The following GPC3 variants were observed in gnomAD, a reference collection of about 807,000 sequenced individuals.
GPC3 encodes glypican-3.
Under a neutral mutation model 34.4 loss-of-function variants are expected in GPC3, and 3 were observed. The ratio of observed to expected loss-of-function variants is 0.09; its 90% confidence interval spans 0.04 to 0.23. GPC3 has a LOEUF of 0.23. GPC3 is among the 10% of genes least tolerant of loss of function. The probability of loss-of-function intolerance (pLI) is 1.00; values close to 1 mark genes in which losing one functional copy is unlikely to be tolerated. For synonymous variants in GPC3, 177 were observed against 174.0 expected (o/e 1.02, Z -0.13); for missense variants, 351 against 445.6 (o/e 0.79, Z 1.91).
chrX:133,636,072 C>G (rs1487054252), intron 6 of GPC3, among the ~76,000 whole-genome samples: 1 of 111,560 alleles, frequency 9.0e-6, no homozygotes, highest in East Asian at 2.8e-4. Context: ...AACAATTATT[C>G]CGAACAGTGT....
intron 2 of GPC3, among the ~76,000 whole-genome samples, chrX:133,820,328 AT>A (rs769600745): frequency 8.9e-6 from 1 of 112,308 alleles, no homozygotes; most frequent in African/African-American, 3.2e-5. Flanking sequence ...CTGCTAATGC[AT>A]TTTTTCTTGC....
intron 2 of GPC3, among the ~76,000 whole-genome samples, chrX:133,916,891 G>GATAATA (rs1228028467): frequency 9.1e-6 from 1 of 110,330 alleles, no homozygotes; most frequent in Non-Finnish European, 1.9e-5. Context: ...TGATGATGAT[G>GATAATA]ATAATAATAA....
In GPC3 at chrX:133,849,902, A is replaced by G. The variant is rs1022569281; in HGVS notation, c.338-95726T>C. ...CTCTGGATCCCTCTGACTCCAAGGA[A>G]ACTGCCTGAGTGCTAATGTTTAATG... On this transcript the variant is annotated intron_variant, in intron 2 of 7. Transcript: ENST00000370818. 2.7e-5 allele frequency among the ~76,000 whole-genome samples: 3 copies of G among 112,000 alleles called. No homozygotes were observed. The Admixed American group carries it at 2.9e-4, about 11-fold the overall frequency.
chrX:133,655,657 G>A (rs967755661), intron 6 of GPC3, among the ~76,000 whole-genome samples: 7 of 111,591 alleles, frequency 6.3e-5, no homozygotes, highest in Admixed American at 9.5e-5. Context: ...CTTTCAAAAG[G>A]TTTCTCCTTT....
intron 2 of GPC3, among the ~76,000 whole-genome samples, chrX:133,849,255 C>T (rs977964647): frequency 9.2e-6 from 1 of 108,994 alleles, no homozygotes; most frequent in Non-Finnish European, 1.9e-5. Context: ...CCAACACGCC[C>T]GGCTAATGAA....
intron 6 of GPC3, among the ~76,000 whole-genome samples, chrX:133,634,140 A>T (rs192811602): frequency 8.9e-6 from 1 of 112,014 alleles, no homozygotes; most frequent in East Asian, 2.8e-4. Flanking sequence ...ACCACTACAC[A>T]CCCACCAGAA....
At chrX:133,927,960 A>G (rs181668819) in intron 2 of GPC3, among the ~76,000 whole-genome samples, 230 of 108,999 alleles carry the variant, frequency 2.1e-3, no homozygotes, top group African/African-American at 7.1e-3. Context: ...TTGTGGCAAG[A>G]ACAGCTGTAA....
chrX:133,671,177 G>T, intron 5 of GPC3: 1 of 1,140,643 alleles, frequency 8.8e-7, no homozygotes. Context: ...AACTCATTTT[G>T]GTGGTGGCAA....
chrX:133,915,325 C>A (rs1238244975), intron 2 of GPC3, among the ~76,000 whole-genome samples: 2 of 109,880 alleles, frequency 1.8e-5, no homozygotes, highest in Non-Finnish European at 3.8e-5. Context: ...AGGCACCCAC[C>A]ACCACGCCTG....
Position 133,749,754 on chromosome X carries a change from G to T in GPC3, c.1032+3728C>A, listed in dbSNP as rs922695260. Reference sequence around the variant, plus strand: ...AACCTCAAGCAGGACTGAATGGCAGGGTTTTACATTTTATCGCAACAGGAA... The same window carrying T: ...AACCTCAAGCAGGACTGAATGGCAGTGTTTTACATTTTATCGCAACAGGAA... On this transcript the variant is annotated intron_variant, in intron 3 of 7. Transcript: ENST00000370818. 2.4e-4 allele frequency among the ~76,000 whole-genome samples: 27 copies of T among 111,277 alleles called. 1 individual carries two copies. The highest frequency in any genetic ancestry group is 8.5e-4 in the African/African-American group (26 of 30,679).
At chrX:133,951,337 C>T (rs1216321118) in intron 2 of GPC3, among the ~76,000 whole-genome samples, 3 of 110,059 alleles carry the variant, frequency 2.7e-5, no homozygotes, top group East Asian at 2.9e-4. Flanking sequence ...GCTGACGACC[C>T]GGGCCCTCAG....
At chrX:133,642,497 C>T (rs1162030215) in intron 6 of GPC3, among the ~76,000 whole-genome samples, 1 of 111,146 alleles carries the variant, frequency 9.0e-6, no homozygotes, top group Non-Finnish European at 1.9e-5. Context: ...ACAGGCCAGG[C>T]GCAGTGGCTC....
intron 7 of GPC3, among the ~76,000 whole-genome samples, chrX:133,573,657 T>C (rs1379078421): frequency 1.8e-5 from 2 of 112,064 alleles, no homozygotes; most frequent in African/African-American, 3.2e-5. Context: ...AGAAAAGTGA[T>C]TCCACTTACA....
chrX:133,933,734 T>C (rs974986094), intron 2 of GPC3, among the ~76,000 whole-genome samples: 10 of 110,462 alleles, frequency 9.1e-5, no homozygotes, highest in Admixed American at 8.7e-4. Flanking sequence ...GCACGTGATG[T>C]TGCAAGCTCC....
At chrX:133,773,196 C>A (rs905799916) in intron 2 of GPC3, among the ~76,000 whole-genome samples, 1 of 111,116 alleles carries the variant, frequency 9.0e-6, no homozygotes, top group African/African-American at 3.3e-5. Context: ...GGATTACAGG[C>A]GCCTGCCACC....
intron 7 of GPC3, among the ~76,000 whole-genome samples, chrX:133,543,612 A>AT (rs2069359806): frequency 8.9e-6 from 1 of 112,283 alleles, no homozygotes; most frequent in Non-Finnish European, 1.9e-5. Flanking sequence ...AATATAATGA[A>AT]TTTTTCCCAT....
rs1402968257 is a variant in GPC3, at chrX:133,831,761, T to A, written c.338-77585A>T. ...ACCTCAACTGTAAAAAAATAAACAA[T>A]CCAATTTAAAAATGGGCAAAAGATT... On this transcript the variant is annotated intron_variant, in intron 2 of 7. Transcript: ENST00000370818. Among the ~76,000 whole-genome samples, 3 of 111,484 alleles carry A rather than the reference T, an allele frequency of 2.7e-5. No homozygotes were observed. The Admixed American group carries it at 2.8e-4, about 11-fold the overall frequency.
intron 3 of GPC3, among the ~76,000 whole-genome samples, chrX:133,731,980 C>G (rs1407951881): frequency 8.9e-6 from 1 of 112,345 alleles, no homozygotes; most frequent in Non-Finnish European, 1.9e-5. Flanking sequence ...TTTGCTGTCA[C>G]TTTCAAATCC....
intron 3 of GPC3, among the ~76,000 whole-genome samples, chrX:133,715,027 G>A (rs1279523733): frequency 8.9e-6 from 1 of 111,816 alleles, no homozygotes; most frequent in Non-Finnish European, 1.9e-5. Flanking sequence ...GTCTGTGAGG[G>A]TGTTGCCAAA....
Sources: allele counts gnomAD v4.1 joint callset (sites outside exome capture counted in the v4.1 genomes callset), GRCh38; gene constraint gnomAD v4.1.1; transcripts MANE v1.5; gene names NCBI Gene and HGNC (gene_info 2026-07-23, HGNC 2026-07-21).